The following LAMA4 variants were observed in gnomAD, a reference collection of about 807,000 sequenced individuals.
LAMA4 encodes laminin subunit alpha-4.
Under a neutral mutation model 207.1 loss-of-function variants are expected in LAMA4, and 127 were observed. That is an observed-to-expected ratio of 0.61 (90% CI 0.53 to 0.71). LAMA4 has a LOEUF of 0.71. Among genes scored for constraint, LAMA4 ranks in the 30% least tolerant of loss-of-function variants. The pLI is 0.00. For missense variants in LAMA4, 2,093 were observed against 2,246.5 expected, an observed-to-expected ratio of 0.93 and a Z score of 1.38; for synonymous variants, 761 against 816.0, an observed-to-expected ratio of 0.93 and a Z score of 1.15.
chr6:112,185,376 C>T lies in LAMA4; in HGVS notation c.967-29G>A, dbSNP rs782068895. 1.6e-5 allele frequency: 20 copies of T among 1,283,278 alleles called. No homozygotes were observed. The Admixed American group carries it at 3.4e-4, about 22-fold the overall frequency. 79.5% of individuals were successfully genotyped at this position (1,283,278 alleles called of 1,614,324 possible). A position where few individuals can be genotyped will look rare whatever the true frequency, so the allele number is the denominator to read the frequency against. On this transcript the variant is annotated intron_variant, in intron 8 of 38. Coordinates refer to ENST00000230538, the MANE Select transcript of LAMA4 (RefSeq NM_001105206.3). The stretch of plus-strand genomic sequence containing the variant: ...CAGAAGAATGTGTTTTGAGAATAGT[C>T]AATGGGCACACCAGGTTTTAAAAAA...
intron 19 of LAMA4, among the ~76,000 whole-genome samples, chr6:112,143,177 T>G (rs576039618): frequency 2.1e-4 from 32 of 152,330 alleles, no homozygotes; most frequent in African/African-American, 7.7e-4. Context: ...TTATATTAAT[T>G]TATTAATATT....
chr6:112,185,633 G>T (rs1554346453), intron 8 of LAMA4, among the ~76,000 whole-genome samples: 3 of 152,112 alleles, frequency 2.0e-5, no homozygotes, highest in African/African-American at 7.2e-5. Context: ...TTTGTACAAA[G>T]GTACAATATA....
intron 3 of LAMA4, among the ~76,000 whole-genome samples, chr6:112,212,085 A>G (rs1488711258): frequency 6.6e-6 from 1 of 152,016 alleles, no homozygotes; most frequent in African/African-American, 2.4e-5. Context: ...GTAAAAAAGG[A>G]GGTCGATGGA....
intron 21 of LAMA4, 84 bp downstream of exon 21, chr6:112,141,274 G>C (rs1779676023): frequency 8.4e-7 from 1 of 1,184,922 alleles, no homozygotes; most frequent in African/African-American, 1.5e-5. Flanking sequence ...GTGTATGTGT[G>C]TGTGTGTGTG....
chr6:112,163,140 T>TA (rs1193248671), intron 13 of LAMA4, among the ~76,000 whole-genome samples: 1 of 125,816 alleles, frequency 7.9e-6, no homozygotes, highest in African/African-American at 3.0e-5. Flanking sequence ...CCTAGCTATT[T>TA]AAAAAAAAAT....
chr6:112,189,248 T>G, intron 6 of LAMA4, 43 bp from the exon 7 acceptor site: 2 of 1,367,382 alleles, frequency 1.5e-6, no homozygotes, highest in East Asian at 2.3e-5. Flanking sequence ...CACTTCTTAA[T>G]GCTTAAAATA....
intron 38 of LAMA4, among the ~76,000 whole-genome samples, chr6:112,111,859 G>T (rs1346571064): frequency 2.0e-5 from 3 of 152,208 alleles, no homozygotes; most frequent in Admixed American, 6.5e-5. Context: ...AGGGATGATG[G>T]CAGTGTGTGA....
At chr6:112,198,416 C>T (rs1374427811) in intron 5 of LAMA4, among the ~76,000 whole-genome samples, 2 of 152,154 alleles carry the variant, frequency 1.3e-5, no homozygotes, top group African/African-American at 2.4e-5. Context: ...GGTTCAAGTT[C>T]ACAAATACAT....
At chr6:112,155,301 T>C (rs1421242103) in intron 15 of LAMA4, 2 of 568,512 alleles carry the variant, frequency 3.5e-6, no homozygotes, top group Admixed American at 3.1e-5. Flanking sequence ...TAATTTTAAA[T>C]ACATATTTTT....
intron 8 of LAMA4, chr6:112,187,235 A>G (rs1554346957): frequency 7.5e-6 from 5 of 666,040 alleles, no homozygotes; most frequent in Middle Eastern, 3.4e-4. Context: ...TCTTTTGTAG[A>G]CAGTAGTTCT....
At chr6:112,150,787 A>C (rs1554335622) in intron 16 of LAMA4, among the ~76,000 whole-genome samples, 160 bp from the exon 17 acceptor site, 3 of 152,232 alleles carry the variant, frequency 2.0e-5, no homozygotes, top group Admixed American at 2.0e-4. Flanking sequence ...GGAAAGTAGC[A>C]TTTAAAATTC....
intron 31 of LAMA4, among the ~76,000 whole-genome samples, chr6:112,127,745 A>G (rs1778787585): frequency 6.6e-6 from 1 of 152,182 alleles, no homozygotes; most frequent in Non-Finnish European, 1.5e-5. Context: ...CTGGGAGGTG[A>G]TGCAGTTACT....
At chr6:112,215,103 C>T (rs1364603545) in intron 3 of LAMA4, among the ~76,000 whole-genome samples, 2 of 152,094 alleles carry the variant, frequency 1.3e-5, no homozygotes, top group South Asian at 4.2e-4. Context: ...ATTTTTCCCC[C>T]CAAATGTCAC....
Position 112,116,011 on chromosome 6 carries a change from A to G in LAMA4, c.4982-18T>C, listed in dbSNP as rs782346830. On this transcript the variant is annotated intron_variant, in intron 35 of 38. Coordinates refer to ENST00000230538, the MANE Select transcript of LAMA4 (RefSeq NM_001105206.3). The stretch of plus-strand genomic sequence containing the variant: ...AGATTCATCTGTGGAGAGAAACACT[A>G]TAAACTCCCAAGAACAGCAAGATCA... 23 of 1,607,824 alleles carry G rather than the reference A, an allele frequency of 1.4e-5. No individual in the cohort carries two copies. Among genetic ancestry groups the G allele is most frequent in the Non-Finnish European group, 1.9e-5 (22 of 1,175,260 alleles).
At position 112,158,913 on chromosome 6, in the gene LAMA4, T is replaced by C. The variant is rs782336899; in HGVS notation, c.1669-33A>G. The C allele has an allele frequency of 2.2e-5, 32 of 1,447,128 alleles. No homozygotes were observed. In the Admixed American group the frequency reaches 4.9e-4, roughly 22 times the overall value. 89.6% of individuals were successfully genotyped at this position (1,447,128 alleles called of 1,614,324 possible). On this transcript the variant is annotated intron_variant, in intron 13 of 38. Coordinates refer to ENST00000230538, the MANE Select transcript of LAMA4 (RefSeq NM_001105206.3). ...AAAAAATTTTAATAAATACATTGAA[T>C]TTAGAAGAACTTAAAACATTTTTCC... is the stretch of plus-strand genomic sequence containing the variant.
At chr6:112,223,605 A>C (rs535062279) in intron 2 of LAMA4, among the ~76,000 whole-genome samples, 16 of 152,332 alleles carry the variant, frequency 1.1e-4, no homozygotes, top group African/African-American at 3.8e-4. Flanking sequence ...GCTTCTCTTC[A>C]GTGTACTCAG....
chr6:112,165,864 C>T (rs550763894), intron 12 of LAMA4, among the ~76,000 whole-genome samples: 1 of 152,262 alleles, frequency 6.6e-6, no homozygotes, highest in South Asian at 2.1e-4. Context: ...AATACTAATA[C>T]ATGTCTTGAT....
At position 112,132,902 on chromosome 6, in the gene LAMA4, A is replaced by G; in HGVS notation, c.3697-12T>C. The G allele has an allele frequency of 6.2e-7, 1 of 1,612,352 alleles. No individual in the cohort carries two copies. The highest frequency in any genetic ancestry group is 1.3e-5 in the African/African-American group (1 of 74,992). ...GCTCTGCGAGATATCTGTGTGCCAGAACAAGTGGAGATAGTGTTTTTGAGA... is the reference window on the plus strand; with the variant it reads ...GCTCTGCGAGATATCTGTGTGCCAGGACAAGTGGAGATAGTGTTTTTGAGA... On this transcript the variant is annotated splice_polypyrimidine_tract_variant and intron_variant, in intron 27 of 38. Coordinates refer to ENST00000230538, the MANE Select transcript of LAMA4 (RefSeq NM_001105206.3).
intron 2 of LAMA4, among the ~76,000 whole-genome samples, chr6:112,249,215 C>T (rs1411104412): frequency 2.0e-5 from 3 of 152,052 alleles, no homozygotes; most frequent in South Asian, 2.1e-4. Context: ...GAGGCCGAGG[C>T]GGGTGGATCA....
Sources: gnomAD v4.1 joint callset for allele counts (sites outside exome capture counted in the v4.1 genomes callset) on GRCh38, gnomAD v4.1.1 for gene constraint, MANE v1.5 for transcripts, NCBI Gene and HGNC (gene_info 2026-07-23, HGNC 2026-07-21) for gene names.